The following DLGAP1 variants were observed in gnomAD, a reference collection of about 807,000 sequenced individuals.
The protein encoded by DLGAP1 is DLG associated protein 1.
DLGAP1 carries 11 observed loss-of-function variants against 90.8 expected under a neutral mutation model. The observed-to-expected ratio is 0.12, with a 90% CI of 0.08 to 0.20. The LOEUF (loss-of-function observed/expected upper bound fraction) is 0.20, where lower values mean the gene tolerates loss of function less well. Among genes scored for constraint, DLGAP1 ranks in the 10% least tolerant of loss-of-function variants. The pLI is 1.00. For missense variants in DLGAP1, 1,050 were observed against 1,333.8 expected (o/e 0.79, Z 3.31); for synonymous variants, 558 against 540.7 (o/e 1.03, Z -0.44).
At chr18:4,317,128 G>T (rs1393306464) in intron 1 of DLGAP1, among the ~76,000 whole-genome samples, 1 of 152,154 alleles carries the variant, frequency 6.6e-6, no homozygotes, top group Non-Finnish European at 1.5e-5. Context: ...GAAAATGTAG[G>T]GGGGAAAGGA....
At chr18:3,852,678 T>G (rs932720872) in intron 4 of DLGAP1, among the ~76,000 whole-genome samples, 1 of 152,180 alleles carries the variant, frequency 6.6e-6, no homozygotes, top group Admixed American at 6.5e-5. Flanking sequence ...CAATTTGTTA[T>G]AATAATTTTT....
chr18:3,950,332 C>T (rs2072959882), intron 3 of DLGAP1, among the ~76,000 whole-genome samples: 1 of 152,212 alleles, frequency 6.6e-6, no homozygotes, highest in Non-Finnish European at 1.5e-5. Context: ...TAACACCTCT[C>T]ATCCTTCAAA....
intron 1 of DLGAP1, among the ~76,000 whole-genome samples, chr18:4,205,579 A>G (rs943525786): frequency 6.6e-6 from 1 of 152,152 alleles, no homozygotes; most frequent in African/African-American, 2.4e-5. Context: ...AGTAAAGTCA[A>G]ATTCCTGGGC....
In DLGAP1 at chr18:3,550,425, T is replaced by C. The variant is rs1220397048; in HGVS notation, c.2058-15810A>G. ...TATTTTTTAAGAGAGAGGGTCTGGC[T>C]ATTTTGCTTAGGCTGGTCTGGAACT... On this transcript the variant is annotated intron_variant, in intron 9 of 12. Coordinates refer to ENST00000315677, the MANE Select transcript of DLGAP1 (RefSeq NM_004746.4). 4.6e-5 allele frequency among the ~76,000 whole-genome samples: 7 copies of C among 152,024 alleles called. No individual in the cohort carries two copies. The East Asian group carries it at 1.4e-3, about 29-fold the overall frequency.
At chr18:4,199,353 C>A (rs1052002027) in intron 1 of DLGAP1, among the ~76,000 whole-genome samples, 9 of 152,104 alleles carry the variant, frequency 5.9e-5, no homozygotes, top group African/African-American at 2.2e-4. Flanking sequence ...TTTTAGTATG[C>A]CTTTAAAAAC....
At chr18:4,361,177 TC>T (rs1288351178) in intron 1 of DLGAP1, among the ~76,000 whole-genome samples, 2 of 152,116 alleles carry the variant, frequency 1.3e-5, no homozygotes, top group African/African-American at 2.4e-5. Flanking sequence ...TAATAATGTT[TC>T]TATGAAATAA....
chr18:4,446,314 T>G (rs2083666176), intron 1 of DLGAP1, among the ~76,000 whole-genome samples: 1 of 152,170 alleles, frequency 6.6e-6, no homozygotes, highest in Non-Finnish European at 1.5e-5. Context: ...AGGAGTTTCA[T>G]GATGACCTCA....
At chr18:4,358,786 T>C (rs2144075672) in intron 1 of DLGAP1, among the ~76,000 whole-genome samples, 1 of 152,344 alleles carries the variant, frequency 6.6e-6, no homozygotes, top group Non-Finnish European at 1.5e-5. Flanking sequence ...CTTACCTCTG[T>C]AGCACCTGCT....
intron 1 of DLGAP1, among the ~76,000 whole-genome samples, chr18:4,238,345 C>T (rs1409413985): frequency 1.3e-5 from 2 of 152,080 alleles, no homozygotes; most frequent in Non-Finnish European, 2.9e-5. Flanking sequence ...ATCCCTGATA[C>T]ATAGAATAAA....
intron 1 of DLGAP1, among the ~76,000 whole-genome samples, chr18:4,265,928 T>A (rs1014299180): frequency 1.3e-5 from 2 of 151,560 alleles, no homozygotes; most frequent in East Asian, 3.9e-4. Context: ...GCTCAAGCGA[T>A]CCTCCCTCCT....
At chr18:4,209,495 G>C (rs2077795837) in intron 1 of DLGAP1, among the ~76,000 whole-genome samples, 1 of 152,100 alleles carries the variant, frequency 6.6e-6, no homozygotes, top group African/African-American at 2.4e-5. Context: ...TATTGTTTGA[G>C]TCATTGAAAC....
chr18:3,705,578 T>TAAACACAATTCCAGACTC (rs1555634846), intron 7 of DLGAP1, among the ~76,000 whole-genome samples: 1 of 151,624 alleles, frequency 6.6e-6, no homozygotes, highest in Non-Finnish European at 1.5e-5. Flanking sequence ...GCCCAGGACT[T>TAAACACAATTCCAGACTC]AAACACAATT....
chr18:4,353,684 A>G (rs1166553863), intron 1 of DLGAP1, among the ~76,000 whole-genome samples: 3 of 151,066 alleles, frequency 2.0e-5, no homozygotes, highest in Non-Finnish European at 2.9e-5. Flanking sequence ...ATATTTAAAT[A>G]TATATGATAT....
chr18:4,354,887 CAAAAAAAAAAAAAAAA>C (rs60379984), intron 1 of DLGAP1, among the ~76,000 whole-genome samples: 58 of 23,874 alleles, frequency 2.4e-3, no homozygotes, highest in African/African-American at 4.7e-3. Context: ...TTACTCTCAC[CAAAAAAAAAAAAAAAA>C]AAAAAAAAAA....
intron 1 of DLGAP1, among the ~76,000 whole-genome samples, chr18:4,165,063 G>T (rs1237010871): frequency 6.6e-6 from 1 of 152,080 alleles, no homozygotes; most frequent in East Asian, 1.9e-4. Context: ...AGAGGGTGGG[G>T]CTGAAAGAAT....
intron 7 of DLGAP1, among the ~76,000 whole-genome samples, chr18:3,677,960 GTTTT>G (rs71160908): frequency 3.7e-5 from 3 of 81,196 alleles, no homozygotes; most frequent in Non-Finnish European, 5.1e-5. Flanking sequence ...TGCCCGGTGG[GTTTT>G]TTTTTTTTTT....
intron 6 of DLGAP1, among the ~76,000 whole-genome samples, chr18:3,740,793 T>A (rs1416121045): frequency 7.5e-6 from 1 of 132,504 alleles, no homozygotes; most frequent in Non-Finnish European, 1.6e-5. Context: ...ACAACCACCA[T>A]CATAACCACC....
At chr18:4,168,213 C>T (rs2076963032) in intron 1 of DLGAP1, among the ~76,000 whole-genome samples, 1 of 152,140 alleles carries the variant, frequency 6.6e-6, no homozygotes, top group African/African-American at 2.4e-5. Context: ...GTAATCAAGA[C>T]AGTACGGTAT....
At chr18:3,957,099 T>C (rs774830173) in intron 3 of DLGAP1, among the ~76,000 whole-genome samples, 1 of 152,250 alleles carries the variant, frequency 6.6e-6, no homozygotes, top group Admixed American at 6.5e-5. Flanking sequence ...GGGATTAAGT[T>C]AATCTCGAGA....
Sources: allele counts gnomAD v4.1 joint callset (sites outside exome capture counted in the v4.1 genomes callset), GRCh38; gene constraint gnomAD v4.1.1; transcripts MANE v1.5; gene names NCBI Gene and HGNC (gene_info 2026-07-23, HGNC 2026-07-21).